The following SNAP23 variants were observed in gnomAD, a reference collection of about 807,000 sequenced individuals.
SNAP23 encodes synaptosomal-associated protein 23.
A neutral mutation model predicts 29.0 loss-of-function variants in SNAP23; 11 were observed. The ratio of observed to expected loss-of-function variants is 0.38; its 90% CI spans 0.24 to 0.63. The LOEUF is 0.63. Among genes scored for constraint, SNAP23 ranks in the 20% least tolerant of loss-of-function variants. SNAP23 has a pLI of 0.58. For synonymous variants in SNAP23, 60 were observed against 82.9 expected (o/e 0.72, Z 1.50); for missense variants, 220 against 253.9 (o/e 0.87, Z 0.91).
At position 42,532,278 on chromosome 15, in the gene SNAP23, A is replaced by G. The variant is rs73404763; in HGVS notation, c.*800A>G. 19,339 of 152,128 alleles carry G rather than the reference A, an allele frequency of 0.13. 1,613 individuals carry two copies. The highest frequency in any genetic ancestry group is 0.23 in the African/African-American group (9,601 of 41,472). 9.4% of individuals were successfully genotyped at this position (152,128 alleles called of 1,614,324 possible). A position where few individuals can be genotyped will look rare whatever the true frequency, so the allele number is the denominator to read the frequency against. On this transcript the variant is annotated 3_prime_UTR_variant, in exon 8 of 8. Transcript: ENST00000249647. ...GCTAATTTTTGTATTTTTAGTAGAG[A>G]CAGGGTTTCACCATGTCAAGCTGGT...
intron 5 of SNAP23, among the ~76,000 whole-genome samples, chr15:42,525,454 T>C (rs1177608971): frequency 1.6e-5 from 1 of 61,902 alleles, no homozygotes; most frequent in Non-Finnish European, 3.4e-5. Flanking sequence ...CAGTCTTCTT[T>C]TTTTTTTTTT....
intron 5 of SNAP23, among the ~76,000 whole-genome samples, chr15:42,523,411 T>A (rs556347838): frequency 1.3e-5 from 2 of 152,326 alleles, no homozygotes; most frequent in South Asian, 4.1e-4. Flanking sequence ...AACAACCTGG[T>A]CCTAGTAATC....
At chr15:42,492,438 G>T (rs1368684206), upstream of SNAP23, among the ~76,000 whole-genome samples, 3 of 151,974 alleles carry the variant, frequency 2.0e-5, no homozygotes, top group Non-Finnish European at 4.4e-5. Flanking sequence ...CCAGCACTTT[G>T]GGAGGACGAG....
intron 1 of SNAP23, 87 bp from the exon 2 acceptor site, chr15:42,511,746 C>A: frequency 1.5e-6 from 1 of 648,754 alleles, no homozygotes; most frequent in Non-Finnish European, 2.5e-6. Context: ...TTCCTAAATT[C>A]CATAAATCTA....
chr15:42,531,614 T>A lies in SNAP23; in HGVS notation c.*136T>A. 1.7e-6 allele frequency: 1 copy of A among 572,620 alleles called. No individual in the cohort carries two copies. Among genetic ancestry groups the A allele is most frequent in the South Asian group, 2.8e-5 (1 of 35,110 alleles). The allele number at this position is 572,620 out of a possible 1,614,324, so 35.5% of individuals were successfully genotyped here. On this transcript the variant is annotated 3_prime_UTR_variant, in exon 8 of 8. Transcript: ENST00000249647. ...AATATGGAAGAAGGGCCAGAGCAGT[T>A]ACAGCCCTCCTTCTTTTTTGTTTTC...
intron 1 of SNAP23, among the ~76,000 whole-genome samples, chr15:42,504,244 G>A (rs4924684): frequency 0.3 from 45,097 of 151,876 alleles, 8,032 homozygotes; most frequent in African/African-American, 0.5. Flanking sequence ...CGGGAGACTG[G>A]GGAAGGAGAA....
intron 6 of SNAP23, 21 bp downstream of exon 6, chr15:42,528,441 A>G: frequency 6.2e-7 from 1 of 1,612,746 alleles, no homozygotes; most frequent in Non-Finnish European, 8.5e-7. Context: ...TCCTCCTGAT[A>G]TTCCTGTACC....
chr15:42,522,916 G>C (rs1448658223), intron 5 of SNAP23, among the ~76,000 whole-genome samples: 1 of 132,022 alleles, frequency 7.6e-6, no homozygotes, highest in Admixed American at 9.2e-5. Context: ...CTCAGTCTCA[G>C]CTCACTGCAA....
At chr15:42,526,145 G>A (rs1409406854) in intron 5 of SNAP23, among the ~76,000 whole-genome samples, 1 of 151,994 alleles carries the variant, frequency 6.6e-6, no homozygotes, top group Non-Finnish European at 1.5e-5. Context: ...TGTTACTTCT[G>A]TTAATATTTG....
rs921495570 is a variant in SNAP23 at position 42,499,450 on chromosome 15, T to C, written c.-15+3737T>C. ...GTAAACAAAAACAGGCCTGTACTCA[T>C]GGGACAGCTGTGGAGTCTTCACCTA... is the stretch of plus-strand genomic sequence containing the variant. On this transcript the variant is annotated intron_variant, in intron 1 of 7. Coordinates refer to ENST00000249647, the MANE Select transcript of SNAP23 (RefSeq NM_003825.4). Among the ~76,000 whole-genome samples the C allele has an allele frequency of 4.6e-5, 7 of 152,294 alleles. No individual in the cohort carries two copies. The East Asian group carries it at 1.2e-3, about 25-fold the overall frequency.
chr15:42,518,533 C>T (rs1039466692), intron 5 of SNAP23, among the ~76,000 whole-genome samples: 14 of 150,474 alleles, frequency 9.3e-5, no homozygotes, highest in Non-Finnish European at 1.6e-4. Flanking sequence ...TATCCTCCAG[C>T]GTCAGCCTCC....
intron 5 of SNAP23, among the ~76,000 whole-genome samples, chr15:42,517,999 C>T (rs1402609430): frequency 1.3e-5 from 2 of 151,972 alleles, no homozygotes; most frequent in Non-Finnish European, 1.5e-5. Context: ...AGGCTTAAGC[C>T]ACTGCACCCA....
chr15:42,493,331 C>T (rs1342578085), upstream of SNAP23, among the ~76,000 whole-genome samples: 1 of 149,910 alleles, frequency 6.7e-6, no homozygotes, highest in African/African-American at 2.5e-5. Context: ...AGAGCAAGAC[C>T]TTCTCTCTCT....
intron 1 of SNAP23, among the ~76,000 whole-genome samples, chr15:42,500,699 C>G (rs2057262385): frequency 6.6e-6 from 1 of 152,102 alleles, no homozygotes; most frequent in Non-Finnish European, 1.5e-5. Context: ...CAGGACTGCT[C>G]TTTTTCTTTG....
Position 42,520,271 on chromosome 15 carries a change from G to A in SNAP23, c.266+4917G>A, listed in dbSNP as rs146846318. Among the ~76,000 whole-genome samples the A allele has an allele frequency of 9.5e-3, 1,434 of 151,148 alleles. 21 individuals carry two copies. The highest frequency in any genetic ancestry group is 0.033 in the African/African-American group (1,368 of 41,188). On this transcript the variant is annotated intron_variant, in intron 5 of 7. Coordinates refer to ENST00000249647, the MANE Select transcript of SNAP23 (RefSeq NM_003825.4). ...TCACCATGTTGGTCAGGCTGGTCTCGAACTCCTGACCACGTGATCCATCCA... is the reference window on the plus strand; with the variant it reads ...TCACCATGTTGGTCAGGCTGGTCTCAAACTCCTGACCACGTGATCCATCCA...
At chr15:42,502,404 G>T (rs927046137) in intron 1 of SNAP23, among the ~76,000 whole-genome samples, 1 of 152,156 alleles carries the variant, frequency 6.6e-6, no homozygotes, top group Non-Finnish European at 1.5e-5. Context: ...CATCAAAGTG[G>T]CTGGGTGTGG....
chr15:42,521,478 C>T, intron 5 of SNAP23: 2 of 1,335,600 alleles, frequency 1.5e-6, no homozygotes, highest in South Asian at 2.1e-5. Flanking sequence ...TCTATGAAAC[C>T]AGGCAGGAAA....
rs1419882407 is a variant in SNAP23, at chr15:42,508,861, A to T, written c.-14-2972A>T. 2.0e-5 allele frequency among the ~76,000 whole-genome samples: 3 copies of T among 152,246 alleles called. No homozygotes were observed. The East Asian group carries it at 5.8e-4, about 29-fold the overall frequency. ...TACCCCAGAATGTCTCCCGACCCAC[A>T]GGATACTATATCTGAAAACCTCACT... On this transcript the variant is annotated intron_variant, in intron 1 of 7. Transcript: ENST00000249647.
At chr15:42,519,949 A>G (rs1198415437) in intron 5 of SNAP23, among the ~76,000 whole-genome samples, 1 of 152,116 alleles carries the variant, frequency 6.6e-6, no homozygotes, top group Non-Finnish European at 1.5e-5. Context: ...CAGTAGCCTT[A>G]ATATGAGATA....
Sources: allele counts gnomAD v4.1 joint callset (sites outside exome capture counted in the v4.1 genomes callset), GRCh38; gene constraint gnomAD v4.1.1; transcripts MANE v1.5; gene names NCBI Gene and HGNC (gene_info 2026-07-23, HGNC 2026-07-21).